Variants in CALN1 observed in about 807,000 individuals in gnomAD.
CALN1 encodes the protein calcium-binding protein 8.
In CALN1, 17 loss-of-function variants were observed where a neutral mutation model predicts 30.6. The observed-to-expected ratio is 0.56, with a 90% confidence interval of 0.38 to 0.83. The LOEUF is 0.83. Ranked by LOEUF, CALN1 falls within the 40% of genes least tolerant of loss-of-function variation. The pLI is 0.00. For missense variants in CALN1, 291 were observed against 354.9 expected, an observed-to-expected ratio of 0.82 and a Z score of 1.45; for synonymous variants, 156 against 131.4, an observed-to-expected ratio of 1.19 and a Z score of -1.28.
intron 5 of CALN1, among the ~76,000 whole-genome samples, chr7:71,852,957 T>C (rs1790735714): frequency 6.6e-6 from 1 of 152,254 alleles, no homozygotes; most frequent in African/African-American, 2.4e-5. Flanking sequence ...ATTTAATATA[T>C]TCTGCTTACG....
chr7:72,402,019 G>T (rs1026998334), intron 2 of CALN1, among the ~76,000 whole-genome samples: 1 of 152,208 alleles, frequency 6.6e-6, no homozygotes, highest in Non-Finnish European at 1.5e-5. Flanking sequence ...GATGAGCTGG[G>T]ATGGGGAGAC....
intron 2 of CALN1, among the ~76,000 whole-genome samples, chr7:72,334,067 A>G (rs930626011): frequency 6.6e-6 from 1 of 152,222 alleles, no homozygotes; most frequent in African/African-American, 2.4e-5. Flanking sequence ...CAGCCCCAGG[A>G]AAAGTGATTT....
At chr7:72,364,968 G>C (rs901451254) in intron 2 of CALN1, among the ~76,000 whole-genome samples, 1 of 151,432 alleles carries the variant, frequency 6.6e-6, no homozygotes, top group Non-Finnish European at 1.5e-5. Flanking sequence ...TCAGGAGTTT[G>C]GGATCAGCTT....
At position 72,117,006 on chromosome 7, in the gene CALN1, G is replaced by A. The variant is rs762025537; in HGVS notation, c.245-10712C>T. ...CTTCAAGTGGAGGTGCTTACAGGTC[G>A]TAGGGGGATTAAAAGATTTTCTGAG... On this transcript the variant is annotated intron_variant, in intron 3 of 6. Coordinates refer to ENST00000395275, the MANE Select transcript of CALN1 (RefSeq NM_031468.4). Among the ~76,000 whole-genome samples the A allele has an allele frequency of 7.1e-4, 108 of 152,106 alleles. 1 individual carries two copies. The highest frequency in any genetic ancestry group is 1.3e-3 in the Non-Finnish European group (89 of 68,008).
chr7:72,139,809 T>C (rs997843752), intron 3 of CALN1, among the ~76,000 whole-genome samples: 20 of 152,188 alleles, frequency 1.3e-4, no homozygotes, highest in African/African-American at 4.8e-4. Context: ...GGCCTTCACT[T>C]TCAGGACTAT....
intron 3 of CALN1, among the ~76,000 whole-genome samples, chr7:72,115,344 A>ATTT: frequency 7.1e-6 from 1 of 140,958 alleles, no homozygotes; most frequent in East Asian, 2.1e-4. Context: ...CTCCACCTGG[A>ATTT]TTTTTTTTTT....
At chr7:72,255,420 T>G (rs1346877576) in intron 3 of CALN1, among the ~76,000 whole-genome samples, 2 of 149,082 alleles carry the variant, frequency 1.3e-5, no homozygotes, top group Non-Finnish European at 3.0e-5. Context: ...TTATTATTAT[T>G]GTTATTTTTT....
intron 4 of CALN1, among the ~76,000 whole-genome samples, chr7:72,091,240 G>A (rs774074098): frequency 9.2e-5 from 14 of 152,206 alleles, no homozygotes; most frequent in Non-Finnish European, 1.6e-4. Context: ...GCTGAGGCAG[G>A]AGAATCGCTG....
intron 5 of CALN1, among the ~76,000 whole-genome samples, chr7:72,023,054 T>C (rs1800800107): frequency 6.6e-6 from 1 of 152,148 alleles, no homozygotes; most frequent in African/African-American, 2.4e-5. Context: ...AAATAATGAT[T>C]GATAACCCAC....
At chr7:72,501,370 T>TAAAAAAAAAAA in the CALN1 span, among the ~76,000 whole-genome samples, 30 of 42,812 alleles carry the variant, frequency 7.0e-4, no homozygotes, top group Non-Finnish European at 9.7e-4. Flanking sequence ...ACGTCTCTAT[T>TAAAAAAAAAAA]AAAAAAAAAA....
intron 3 of CALN1, among the ~76,000 whole-genome samples, chr7:72,220,116 G>A (rs2129549343): frequency 6.6e-6 from 1 of 151,264 alleles, no homozygotes; most frequent in Middle Eastern, 3.4e-3. Flanking sequence ...ATGTATACAT[G>A]TGCCATGCTG....
chr7:71,953,234 G>A (rs1227754002), intron 5 of CALN1, among the ~76,000 whole-genome samples: 10 of 152,184 alleles, frequency 6.6e-5, no homozygotes, highest in Non-Finnish European at 1.2e-4. Flanking sequence ...CTGGGACTAC[G>A]GGCATGAGCC....
At chr7:72,059,195 T>A (rs552694569) in intron 4 of CALN1, among the ~76,000 whole-genome samples, 3 of 152,160 alleles carry the variant, frequency 2.0e-5, no homozygotes, top group Non-Finnish European at 4.4e-5. Context: ...CCATCTATGG[T>A]CTTCAAAATC....
chr7:72,398,820 A>AT (rs1806146801), intron 2 of CALN1, among the ~76,000 whole-genome samples: 1 of 152,250 alleles, frequency 6.6e-6, no homozygotes, highest in Non-Finnish European at 1.5e-5. Flanking sequence ...ATGACTTTAG[A>AT]AAAGTTTCTA....
the CALN1 span, among the ~76,000 whole-genome samples, chr7:72,456,135 G>A: frequency 2.1e-3 from 317 of 150,270 alleles, 3 homozygotes; most frequent in African/African-American, 7.5e-3. Context: ...AGTGAGCCAA[G>A]ATCGTGCCAC....
chr7:72,355,451 A>T (rs963744614), intron 2 of CALN1, among the ~76,000 whole-genome samples: 7 of 152,132 alleles, frequency 4.6e-5, no homozygotes, highest in Admixed American at 3.9e-4. Flanking sequence ...GCTTGAACCC[A>T]GGAGACAGAG....
intron 3 of CALN1, among the ~76,000 whole-genome samples, chr7:72,162,198 A>G (rs1788162862): frequency 6.6e-6 from 1 of 152,006 alleles, no homozygotes; most frequent in Admixed American, 6.6e-5. Flanking sequence ...TGAGAGTCAC[A>G]TAATCTATTA....
chr7:72,464,098 A>G, the CALN1 span, among the ~76,000 whole-genome samples: 21 of 142,362 alleles, frequency 1.5e-4, no homozygotes, highest in South Asian at 4.3e-4. Context: ...GAAAGAAAGA[A>G]AGAGAGAGAA....
At chr7:72,360,159 A>T (rs757072334) in intron 2 of CALN1, among the ~76,000 whole-genome samples, 2 of 152,086 alleles carry the variant, frequency 1.3e-5, no homozygotes, top group Non-Finnish European at 2.9e-5. Flanking sequence ...ACAAACTGGG[A>T]AATTTGATTT....
Sources: allele counts gnomAD v4.1 joint callset (sites outside exome capture counted in the v4.1 genomes callset), GRCh38; gene constraint gnomAD v4.1.1; transcripts MANE v1.5; gene names NCBI Gene and HGNC (gene_info 2026-07-23, HGNC 2026-07-21).